MILR1: variants seen among roughly 807,000 people sequenced by gnomAD.
MILR1 encodes the protein mast cell immunoglobulin like receptor 1.
In MILR1, 31 loss-of-function variants were observed where a neutral mutation model predicts 18.5. The observed-to-expected ratio is 1.68, with a 90% CI of 1.26 to 2.26. The LOEUF is 2.26. MILR1 is among the 30% of genes most tolerant of loss of function. The pLI, the probability that MILR1 is intolerant of heterozygous loss-of-function variation, is 0.00. For synonymous variants in MILR1, 85 were observed against 56.2 expected, an observed-to-expected ratio of 1.51 and a Z score of -2.30; for missense variants, 257 against 157.4, an observed-to-expected ratio of 1.63 and a Z score of -3.38.
At chr17:64,464,010 G>A (rs1247036570) in intron 5 of MILR1, among the ~76,000 whole-genome samples, 2 of 151,656 alleles carry the variant, frequency 1.3e-5, no homozygotes, top group Non-Finnish European at 2.9e-5. Context: ...TTTTAGTAGA[G>A]ATGGGGTTTC....
chr17:64,470,468 T>C (rs1416074281), downstream of MILR1, among the ~76,000 whole-genome samples: 38 of 152,230 alleles, frequency 2.5e-4, no homozygotes, highest in Admixed American at 2.5e-3. Context: ...TTTTATGTTA[T>C]GTATAACTTA....
At chr17:64,475,806 T>TC in the MILR1 span, among the ~76,000 whole-genome samples, 24 of 142,612 alleles carry the variant, frequency 1.7e-4, no homozygotes, top group African/African-American at 6.0e-4. Flanking sequence ...TACTACCACT[T>TC]CCTTTTTTTT....
At chr17:64,451,567 C>G (rs1406435757) in intron 2 of MILR1, among the ~76,000 whole-genome samples, 10 of 152,056 alleles carry the variant, frequency 6.6e-5, no homozygotes, top group African/African-American at 2.2e-4. Context: ...CACAAAAGCT[C>G]TAGCATTCCT....
At chr17:64,468,105 T>C (rs2037620366) in intron 9 of MILR1, among the ~76,000 whole-genome samples, 1 of 152,060 alleles carries the variant, frequency 6.6e-6, no homozygotes, top group South Asian at 2.1e-4. Flanking sequence ...CTAGGGCTGC[T>C]GCCACAAATG....
chr17:64,494,324 A>G, the MILR1 span, among the ~76,000 whole-genome samples: 1 of 152,212 alleles, frequency 6.6e-6, no homozygotes, highest in African/African-American at 2.4e-5. Flanking sequence ...AACATGAGGA[A>G]CATGTTATCA....
intron 9 of MILR1, among the ~76,000 whole-genome samples, chr17:64,468,100 G>A (rs2037620293): frequency 6.6e-6 from 1 of 152,040 alleles, no homozygotes; most frequent in African/African-American, 2.4e-5. Flanking sequence ...GTCCCCTAGG[G>A]CTGCTGCCAC....
the MILR1 span, chr17:64,482,933 A>T: frequency 3.1e-6 from 5 of 1,588,108 alleles, no homozygotes; most frequent in Non-Finnish European, 4.3e-6. Flanking sequence ...CTTAGTTCCA[A>T]TGTGGGGCCT....
rs146950879 is a variant in MILR1, at chr17:64,465,093, T to TA, written c.764-350dup. 9.9e-5 allele frequency among the ~76,000 whole-genome samples: 15 copies of TA among 151,460 alleles called. No individual in the cohort carries two copies. The East Asian group carries it at 1.7e-3, about 18-fold the overall frequency. ...CAGGCGACAGAGCGAGACTCCATCT[T>TA]AAAAAAAAAGAATTCAATAGGCCAT... On this transcript the variant is annotated intron_variant, in intron 5 of 9. Transcript: ENST00000619286.
At chr17:64,459,868 C>A (rs2037383262) in intron 4 of MILR1, among the ~76,000 whole-genome samples, 1 of 152,124 alleles carries the variant, frequency 6.6e-6, no homozygotes, top group Non-Finnish European at 1.5e-5. Context: ...TGCTCATGAC[C>A]CCAGAAATGT....
chr17:64,472,465 CAAAAA>C (rs71158332), downstream of MILR1, among the ~76,000 whole-genome samples: 2,318 of 12,806 alleles, frequency 0.18, 3 homozygotes, highest in African/African-American at 0.3. Flanking sequence ...GACTCCATCT[CAAAAA>C]AAAAAAAAAA....
At chr17:64,497,159 G>T in the MILR1 span, 1 of 661,588 alleles carries the variant, frequency 1.5e-6, no homozygotes, top group Non-Finnish European at 2.7e-6. Context: ...CCACCATGGC[G>T]GACGCCGGCT....
In MILR1 at chr17:64,460,880, G is replaced by A. The variant is rs1057092757; in HGVS notation, c.711G>A (p.Leu237=). Residue 237 remains leucine (L), a synonymous_variant, in exon 5 of 10, where the codon CTG becomes CTA. Transcript: ENST00000619286. ...TACTTCCAGGGTTATTACTGTTGCT[G>A]GTGGTGATAATCCTAATTCTGGCTT... is the stretch of plus-strand genomic sequence containing the variant. ...KLLLPGLLLL[L]VVIILILAFW... 36 of 475,130 alleles carry A rather than the reference G, an allele frequency of 7.6e-5. No individual in the cohort carries two copies. The highest frequency in any genetic ancestry group is 1.4e-4 in the Non-Finnish European group (36 of 258,932). 29.4% of individuals were successfully genotyped at this position (475,130 alleles called of 1,614,324 possible).
the MILR1 span, among the ~76,000 whole-genome samples, chr17:64,497,341 T>C: frequency 6.6e-6 from 1 of 152,266 alleles, no homozygotes; most frequent in Non-Finnish European, 1.5e-5. Context: ...ATTAAAATAC[T>C]TCAGTATTAT....
intron 6 of MILR1, among the ~76,000 whole-genome samples, chr17:64,466,156 C>T: frequency 6.6e-6 from 1 of 152,128 alleles, no homozygotes; most frequent in Non-Finnish European, 1.5e-5. Context: ...CTTATAAAAC[C>T]ATCAGATCTT....
chr17:64,472,067 C>A (rs1290691237), downstream of MILR1, among the ~76,000 whole-genome samples: 1 of 152,006 alleles, frequency 6.6e-6, no homozygotes, highest in Non-Finnish European at 1.5e-5. Context: ...GTGGGGAGGA[C>A]TTTTATAGGT....
At chr17:64,480,208 A>G in the MILR1 span, 2 of 407,660 alleles carry the variant, frequency 4.9e-6, no homozygotes, top group Non-Finnish European at 8.9e-6. Flanking sequence ...ATAAATTTAG[A>G]AGAGATTTGT....
At chr17:64,467,305 C>A (rs1358876525) in intron 8 of MILR1, among the ~76,000 whole-genome samples, 10 of 148,526 alleles carry the variant, frequency 6.7e-5, no homozygotes, top group South Asian at 2.1e-4. Context: ...AGACAAGTAT[C>A]TTGCTATATT....
rs950217321 is a variant in MILR1 at position 64,450,477 on chromosome 17, T to A, written c.97+1122T>A. ...AACAGTCACTTTATATTCGTTATCT[T>A]TTTTTGTTTGTTTGTTTTTGAGACA... is the stretch of plus-strand genomic sequence containing the variant. On this transcript the variant is annotated intron_variant, in intron 2 of 9. Coordinates refer to ENST00000619286, the MANE Select transcript of MILR1 (RefSeq NM_001085423.2). Among the ~76,000 whole-genome samples, 39 of 152,232 alleles carry A rather than the reference T, an allele frequency of 2.6e-4. No individual in the cohort carries two copies. The East Asian group carries it at 7.5e-3, about 29-fold the overall frequency.
the MILR1 span, chr17:64,491,035 A>G: frequency 1.7e-6 from 2 of 1,177,896 alleles, no homozygotes; most frequent in Non-Finnish European, 2.5e-6. Context: ...TCCCATAATT[A>G]TCTGTAAGAA....
Sources: allele counts gnomAD v4.1 joint callset (sites outside exome capture counted in the v4.1 genomes callset), GRCh38; gene constraint gnomAD v4.1.1; transcripts MANE v1.5; gene names NCBI Gene and HGNC (gene_info 2026-07-23, HGNC 2026-07-21).